GRIA1: variants seen among roughly 807,000 people sequenced by gnomAD.
GRIA1 encodes glutamate receptor 1.
A neutral mutation model predicts 99.2 loss-of-function variants in GRIA1; 31 were observed. The ratio of observed to expected loss-of-function variants is 0.31; its 90% CI spans 0.23 to 0.42. The LOEUF (loss-of-function observed/expected upper bound fraction) is 0.42. Among genes scored for constraint, GRIA1 ranks in the 10% least tolerant of loss-of-function variants. GRIA1 has a pLI of 1.00. For synonymous variants in GRIA1, 438 were observed against 432.4 expected (o/e 1.01, Z -0.16); for missense variants, 782 against 1,157.5 (o/e 0.68, Z 4.71).
intron 7 of GRIA1, among the ~76,000 whole-genome samples, chr5:153,685,800 G>A (rs1197588351): frequency 6.6e-6 from 1 of 152,204 alleles, no homozygotes; most frequent in African/African-American, 2.4e-5. Context: ...CTGGCTTCTT[G>A]TCCTGGGTCT....
chr5:153,696,960 C>T (rs756496009), intron 8 of GRIA1, among the ~76,000 whole-genome samples: 2 of 152,142 alleles, frequency 1.3e-5, no homozygotes, highest in African/African-American at 2.4e-5. Context: ...CACTGCTTAG[C>T]CTGGCCTTCA....
rs1040316690 is a variant in GRIA1 at position 153,722,471 on chromosome 5, G to A, written c.1823+16404G>A. Among the ~76,000 whole-genome samples the A allele has an allele frequency of 3.3e-5, 5 of 152,148 alleles. No individual in the cohort carries two copies. In the East Asian group the frequency reaches 9.6e-4, roughly 29 times the overall value. Reference sequence around the variant, plus strand: ...TTACCTTTTACTTTTAGATCTAGGTGTTCTATAGGTATGTGTGAGAGAGAG... The same window carrying A: ...TTACCTTTTACTTTTAGATCTAGGTATTCTATAGGTATGTGTGAGAGAGAG... On this transcript the variant is annotated intron_variant, in intron 11 of 15. Coordinates refer to ENST00000285900, the MANE Select transcript of GRIA1 (RefSeq NM_000827.4).
intron 2 of GRIA1, among the ~76,000 whole-genome samples, chr5:153,567,375 C>G (rs1181259529): frequency 6.6e-6 from 1 of 152,060 alleles, no homozygotes. Flanking sequence ...TTTTATGAGG[C>G]GTGTGTCCAG....
intron 2 of GRIA1, among the ~76,000 whole-genome samples, chr5:153,616,888 C>T (rs772696367): frequency 5.3e-5 from 8 of 152,134 alleles, no homozygotes; most frequent in Non-Finnish European, 1.0e-4. Context: ...TGTTTTCATC[C>T]TTATAATTAA....
chr5:153,494,538 C>A (rs551914762), intron 2 of GRIA1, among the ~76,000 whole-genome samples: 9 of 152,132 alleles, frequency 5.9e-5, no homozygotes, highest in African/African-American at 2.2e-4. Context: ...TCTTCATTTT[C>A]GGAAGTGACC....
At chr5:153,522,371 A>T (rs550895915) in intron 2 of GRIA1, among the ~76,000 whole-genome samples, 1 of 152,194 alleles carries the variant, frequency 6.6e-6, no homozygotes, top group Non-Finnish European at 1.5e-5. Context: ...CCATTTTGAA[A>T]ATGAAGTCAA....
chr5:153,740,154 C>T (rs1561817849), intron 11 of GRIA1, among the ~76,000 whole-genome samples: 2 of 152,082 alleles, frequency 1.3e-5, no homozygotes, highest in African/African-American at 2.4e-5. Flanking sequence ...TGTGTTCCGC[C>T]CAAGGAACAT....
chr5:153,796,519 G>A (rs1459954346), intron 14 of GRIA1, among the ~76,000 whole-genome samples: 2 of 152,168 alleles, frequency 1.3e-5, no homozygotes, highest in Non-Finnish European at 2.9e-5. Context: ...AAAAGCGAGA[G>A]GAGCAAGTGA....
intron 7 of GRIA1, among the ~76,000 whole-genome samples, chr5:153,681,414 A>G (rs1036663563): frequency 6.6e-6 from 1 of 152,220 alleles, no homozygotes; most frequent in African/African-American, 2.4e-5. Context: ...GATGGGTGGT[A>G]ATGGAACCGT....
At chr5:153,622,515 C>A (rs2149424101) in intron 2 of GRIA1, among the ~76,000 whole-genome samples, 1 of 152,310 alleles carries the variant, frequency 6.6e-6, no homozygotes, top group Non-Finnish European at 1.5e-5. Flanking sequence ...GCAGTTCTCT[C>A]AAGATTCAGA....
chr5:153,791,041 T>G (rs1392592599), intron 13 of GRIA1, among the ~76,000 whole-genome samples: 1 of 152,140 alleles, frequency 6.6e-6, no homozygotes, highest in Non-Finnish European at 1.5e-5. Flanking sequence ...TAGAATACAG[T>G]GAATCTGCTG....
At chr5:153,655,275 A>G (rs1360357051) in intron 4 of GRIA1, among the ~76,000 whole-genome samples, 2 of 152,218 alleles carry the variant, frequency 1.3e-5, no homozygotes, top group Non-Finnish European at 2.9e-5. Flanking sequence ...CAAAATTCAG[A>G]AAAAGAAAGA....
chr5:153,742,617 C>T (rs1761885157), intron 11 of GRIA1, among the ~76,000 whole-genome samples: 1 of 152,150 alleles, frequency 6.6e-6, no homozygotes, highest in Non-Finnish European at 1.5e-5. Flanking sequence ...AGACTAAGAT[C>T]TTGGTTTCTT....
intron 2 of GRIA1, among the ~76,000 whole-genome samples, chr5:153,497,993 G>A (rs1165356923): frequency 6.6e-6 from 1 of 152,096 alleles, no homozygotes; most frequent in Non-Finnish European, 1.5e-5. Flanking sequence ...CGATAAATAG[G>A]GTTATCTATC....
intron 2 of GRIA1, among the ~76,000 whole-genome samples, chr5:153,609,940 G>C (rs76432256): frequency 0.22 from 33,618 of 152,022 alleles, 4,280 homozygotes; most frequent in Non-Finnish European, 0.3. Context: ...GCATGATATG[G>C]TTGGTAAATG....
At chr5:153,671,189 G>C (rs758481651) in intron 5 of GRIA1, among the ~76,000 whole-genome samples, 1 of 152,178 alleles carries the variant, frequency 6.6e-6, no homozygotes, top group Admixed American at 6.5e-5. Context: ...TGACAAGATT[G>C]AGTGGCATTT....
intron 13 of GRIA1, among the ~76,000 whole-genome samples, chr5:153,774,754 C>A (rs927882144): frequency 6.6e-6 from 1 of 152,242 alleles, no homozygotes; most frequent in East Asian, 1.9e-4. Flanking sequence ...TAACTGACAT[C>A]TAAGGCCCAA....
intron 2 of GRIA1, among the ~76,000 whole-genome samples, chr5:153,502,003 T>C (rs2113246592): frequency 6.6e-6 from 1 of 152,342 alleles, no homozygotes; most frequent in South Asian, 2.1e-4. Flanking sequence ...TTTCCTTCAC[T>C]TACACTTACA....
intron 13 of GRIA1, among the ~76,000 whole-genome samples, chr5:153,794,316 A>C (rs1052360612): frequency 1.2e-4 from 19 of 152,214 alleles, no homozygotes; most frequent in Non-Finnish European, 1.6e-4. Context: ...GAAAAAAAGA[A>C]AGAAAAAGAA....
Sources: allele counts gnomAD v4.1 joint callset (sites outside exome capture counted in the v4.1 genomes callset), GRCh38; gene constraint gnomAD v4.1.1; transcripts MANE v1.5; gene names NCBI Gene and HGNC (gene_info 2026-07-23, HGNC 2026-07-21).